PPM1B: variants seen among roughly 807,000 people sequenced by gnomAD.
PPM1B encodes the protein protein phosphatase, Mg2+/Mn2+ dependent 1B.
In PPM1B, 22 loss-of-function variants were observed where a neutral mutation model predicts 43.0. The ratio of observed to expected loss-of-function variants is 0.51; its 90% CI spans 0.37 to 0.73. The LOEUF (loss-of-function observed/expected upper bound fraction) is 0.73. PPM1B is among the 30% of genes least tolerant of loss of function. PPM1B has a pLI of 0.00. For missense variants in PPM1B, 632 were observed against 584.2 expected, an observed-to-expected ratio of 1.08 and a Z score of -0.84; for synonymous variants, 217 against 197.9, an observed-to-expected ratio of 1.10 and a Z score of -0.81.
At chr2:44,237,681 T>A (rs1033987235), downstream of PPM1B, among the ~76,000 whole-genome samples, 2 of 152,232 alleles carry the variant, frequency 1.3e-5, no homozygotes, top group South Asian at 4.1e-4. Flanking sequence ...TGATTTTTTT[T>A]AATGATTAAA....
chr2:44,170,431 C>T (rs1466009031), intron 1 of PPM1B, among the ~76,000 whole-genome samples: 1 of 152,210 alleles, frequency 6.6e-6, no homozygotes, highest in Non-Finnish European at 1.5e-5. Context: ...GAAAAACATT[C>T]TTTTTCTGTT....
intron 3 of PPM1B, among the ~76,000 whole-genome samples, chr2:44,211,597 A>G (rs1467748018): frequency 2.0e-5 from 3 of 152,112 alleles, no homozygotes; most frequent in Non-Finnish European, 4.4e-5. Flanking sequence ...TAAATATGTT[A>G]TACTTATTCA....
chr2:44,236,469 G>T (rs1290779086), downstream of PPM1B, among the ~76,000 whole-genome samples: 8 of 145,434 alleles, frequency 5.5e-5, no homozygotes, highest in Non-Finnish European at 1.2e-4. Flanking sequence ...TAATGGCGCT[G>T]TCTTGCTAGT....
At chr2:44,209,866 T>G (rs1277709042) in intron 3 of PPM1B, among the ~76,000 whole-genome samples, 1 of 152,174 alleles carries the variant, frequency 6.6e-6, no homozygotes, top group Non-Finnish European at 1.5e-5. Context: ...AAATTTACTG[T>G]CTTGGACCAA....
intron 1 of PPM1B, among the ~76,000 whole-genome samples, chr2:44,188,259 G>T (rs536789856): frequency 7.2e-5 from 11 of 152,280 alleles, no homozygotes; most frequent in Admixed American, 2.0e-4. Flanking sequence ...ATGGAAGCCA[G>T]ATGAAGTATC....
intron 1 of PPM1B, among the ~76,000 whole-genome samples, chr2:44,176,523 C>G (rs978856281): frequency 2.4e-4 from 37 of 152,150 alleles, no homozygotes; most frequent in Admixed American, 2.3e-3. Flanking sequence ...TATTACTTAA[C>G]GTCGTGCCTT....
intron 1 of PPM1B, among the ~76,000 whole-genome samples, chr2:44,183,379 G>C (rs1373169845): frequency 6.6e-6 from 1 of 152,156 alleles, no homozygotes; most frequent in Non-Finnish European, 1.5e-5. Flanking sequence ...CTTCCCGTGT[G>C]GTTTTGGAAA....
chr2:44,172,383 G>A (rs1335153013), intron 1 of PPM1B, among the ~76,000 whole-genome samples: 1 of 152,150 alleles, frequency 6.6e-6, no homozygotes, highest in Non-Finnish European at 1.5e-5. Context: ...TAGAGTTTTG[G>A]GAACTATTTA....
chr2:44,242,394 T>G (rs1477835668), intron 5 of PPM1B, among the ~76,000 whole-genome samples: 1 of 152,146 alleles, frequency 6.6e-6, no homozygotes, highest in African/African-American at 2.4e-5. Context: ...CTTTTTATTT[T>G]CTCCTTAAAA....
intron 1 of PPM1B, among the ~76,000 whole-genome samples, chr2:44,195,323 C>T (rs139723692): frequency 1.4e-3 from 210 of 152,190 alleles, no homozygotes; most frequent in African/African-American, 4.8e-3. Flanking sequence ...CCTGCCTCAG[C>T]CTCCCAAGTA....
At chr2:44,198,557 G>A (rs1273746466) in intron 1 of PPM1B, among the ~76,000 whole-genome samples, 1 of 152,222 alleles carries the variant, frequency 6.6e-6, no homozygotes, top group African/African-American at 2.4e-5. Context: ...TGTTTGTGAA[G>A]CATTTAAGAC....
intron 1 of PPM1B, among the ~76,000 whole-genome samples, chr2:44,192,545 T>G (rs537537774): frequency 1.3e-5 from 2 of 152,336 alleles, no homozygotes; most frequent in African/African-American, 4.8e-5. Context: ...ATGTTTTCTT[T>G]AACTTGACAT....
intron 1 of PPM1B, among the ~76,000 whole-genome samples, chr2:44,174,698 TTAAGCCTGAGAG>T (rs1667499585): frequency 6.6e-6 from 1 of 152,232 alleles, no homozygotes; most frequent in Admixed American, 6.5e-5. Flanking sequence ...CGAAGCGCTT[TTAAGCCTGAGAG>T]TAATGTCAAC....
chr2:44,218,796 T>C (rs1014035067), intron 5 of PPM1B: 4 of 452,548 alleles, frequency 8.8e-6, no homozygotes, highest in African/African-American at 6.2e-5. Flanking sequence ...TCTTTATTTC[T>C]TCTCTATATG....
chr2:44,243,699 G>A (rs1203226757), intron 5 of PPM1B, among the ~76,000 whole-genome samples: 5 of 151,710 alleles, frequency 3.3e-5, no homozygotes, highest in African/African-American at 7.3e-5. Context: ...CTATTTTATC[G>A]TTTTGTGTTG....
intron 1 of PPM1B, among the ~76,000 whole-genome samples, chr2:44,183,831 C>T (rs1022850888): frequency 1.1e-4 from 16 of 152,058 alleles, no homozygotes; most frequent in Non-Finnish European, 2.2e-4. Context: ...CTCCGCCTTC[C>T]GGGTTCACAC....
intron 1 of PPM1B, among the ~76,000 whole-genome samples, chr2:44,178,485 TAGAC>T (rs1667700383): frequency 7.2e-6 from 1 of 138,402 alleles, no homozygotes; most frequent in African/African-American, 2.6e-5. Context: ...TTTTTTTTTT[TAGAC>T]AGAGTTTCGC....
chr2:44,232,974 C>G, downstream of PPM1B: 1 of 979,662 alleles, frequency 1.0e-6, no homozygotes, highest in South Asian at 4.7e-5. Flanking sequence ...TATTATAAAC[C>G]CTTACAAATT....
chr2:44,194,332 T>A (rs1261034618), intron 1 of PPM1B, among the ~76,000 whole-genome samples: 1 of 152,188 alleles, frequency 6.6e-6, no homozygotes, highest in African/African-American at 2.4e-5. Context: ...TGTGTGTAAG[T>A]AATCTGTGGG....
Sources: gnomAD v4.1 joint callset for allele counts (sites outside exome capture counted in the v4.1 genomes callset) on GRCh38, gnomAD v4.1.1 for gene constraint, MANE v1.5 for transcripts, NCBI Gene and HGNC (gene_info 2026-07-23, HGNC 2026-07-21) for gene names.